The following USP38 variants were observed in gnomAD, a reference collection of about 807,000 sequenced individuals.
The protein encoded by USP38 is ubiquitin specific peptidase 38.
In USP38, 49 loss-of-function variants were observed where a neutral mutation model predicts 94.3. The observed-to-expected ratio is 0.52, with a 90% CI of 0.41 to 0.66. USP38 has a LOEUF of 0.66. Ranked by LOEUF, USP38 falls within the 30% of genes least tolerant of loss-of-function variation. The pLI, the probability that USP38 is intolerant of heterozygous loss-of-function variation, is 0.00. For synonymous variants in USP38, 468 were observed against 463.6 expected, an observed-to-expected ratio of 1.01 and a Z score of -0.12; for missense variants, 1,128 against 1,229.4, an observed-to-expected ratio of 0.92 and a Z score of 1.23.
At chr4:143,209,460 A>C in intron 6 of USP38, 104 bp from the exon 7 acceptor site, 1 of 641,900 alleles carries the variant, frequency 1.6e-6, no homozygotes, top group Non-Finnish European at 2.5e-6. Context: ...ACTGCCCTCC[A>C]GCCTGGGCAA....
At position 143,209,653 on chromosome 4, in the gene USP38, C is replaced by A. The variant is rs1035520851; in HGVS notation, c.1493C>A (p.Thr498Lys). The A allele has an allele frequency of 1.4e-5, 22 of 1,594,632 alleles. No individual in the cohort carries two copies. The highest frequency in any genetic ancestry group is 1.9e-5 in the Non-Finnish European group (22 of 1,164,150). Residue 498 changes from threonine (T) to lysine (K), a missense_variant, in exon 7 of 10, where the codon ACA (threonine) becomes AAA (lysine). By Grantham distance (78) the Thr-to-Lys change is moderately conservative (BLOSUM62 -1). Coordinates refer to ENST00000307017, the MANE Select transcript of USP38 (RefSeq NM_032557.6). ...CATCTTTTTGCCTTTCTGGCCCATA[C>A]ACAGGTGAGTGTGTATGTGTATATA... ...LQHLFAFLAH[T>K]QREAYAPRIF...
In USP38 at chr4:143,214,867, T is replaced by C. The variant is rs1418528726; in HGVS notation, c.2891T>C (p.Leu964Pro). ...GLSGNNPTSG[L>P]WINGDPPLQK... ...AGTGGTAATAACCCAACCAGTGGAC[T>C]CTGGATAAATGGAGACCCACCTCTA... is the stretch of plus-strand genomic sequence containing the variant. Residue 964 changes from leucine to proline, a missense_variant, in exon 9 of 10, where the codon CTC (leucine) becomes CCC (proline). Physicochemically the swap from Leu to Pro is moderately conservative, Grantham distance 98. Transcript: ENST00000307017. The C allele has an allele frequency of 1.9e-6, 3 of 1,613,488 alleles. No individual in the cohort carries two copies. The African/African-American group carries it at 4.0e-5, about 22-fold the overall frequency.
chr4:143,213,900 G>A lies in USP38; in HGVS notation c.1924G>A (p.Asp642Asn), dbSNP rs1272804535. Residue 642 changes from aspartate (D) to asparagine (N), a missense_variant, in exon 9 of 10, where the codon GAT (aspartate) becomes AAT (asparagine). Asp to Asn is a conservative substitution (Grantham distance 23). Transcript: ENST00000307017. ...QDPASSPSIQ[D>N]GGLMQASVPG... Reference sequence around the variant, plus strand: ...TCCAGCATCATCACCCAGTATACAAGATGGTGGTCTAATGCAAGCCTCTGT... The same window carrying A: ...TCCAGCATCATCACCCAGTATACAAAATGGTGGTCTAATGCAAGCCTCTGT... The A allele has an allele frequency of 6.2e-7, 1 of 1,613,720 alleles. No individual in the cohort carries two copies. Among genetic ancestry groups the A allele is most frequent in the African/African-American group, 1.3e-5 (1 of 74,890 alleles).
Position 143,195,720 on chromosome 4 carries a change from A to G in USP38, c.823A>G (p.Ile275Val), listed in dbSNP as rs1731525407. 3 of 1,581,006 alleles carry G rather than the reference A, an allele frequency of 1.9e-6. No individual in the cohort carries two copies. The East Asian group carries it at 6.8e-5, about 36-fold the overall frequency. The change falls in exon 3 of 10, where the codon ATT becomes GTT. Residue 275 changes from isoleucine (I) to valine (V), a missense_variant. Ile to Val is a conservative substitution (Grantham distance 29). Coordinates refer to ENST00000307017, the MANE Select transcript of USP38 (RefSeq NM_032557.6). The part of the protein sequence containing the change: ...ASMTQALCRM[I>V]DWLSWPLAQH... Reference sequence around the variant, plus strand: ...TTCATTTTCCTTCAATTTCAGAATGATTGACTGGCTATCCTGGCCATTGGC... The same window carrying G: ...TTCATTTTCCTTCAATTTCAGAATGGTTGACTGGCTATCCTGGCCATTGGC...
At position 143,185,315 on chromosome 4, in the gene USP38, C is replaced by T; in HGVS notation, c.-136C>T. The T allele has an allele frequency of 2.1e-6, 2 of 938,622 alleles. No individual in the cohort carries two copies. The highest frequency in any genetic ancestry group is 2.7e-5 in the East Asian group (1 of 37,526). 58.1% of individuals were successfully genotyped at this position (938,622 alleles called of 1,614,324 possible). On this transcript the variant is annotated 5_prime_UTR_variant, in exon 1 of 10. Coordinates refer to ENST00000307017, the MANE Select transcript of USP38 (RefSeq NM_032557.6). The stretch of plus-strand genomic sequence containing the variant: ...TGCGCCATAAATGTGGCTGCTGAGG[C>T]GGCGGTGGCCGTGGCCCGTCGCGCT...
At chr4:143,195,651 CTT>C in intron 2 of USP38, 63 bp from the exon 3 acceptor site, 1 of 1,490,950 alleles carries the variant, frequency 6.7e-7, no homozygotes. Flanking sequence ...TACTGTAACT[CTT>C]GTTATCACTA....
At chr4:143,206,415 TGTG>T (rs1297303839) in intron 6 of USP38, among the ~76,000 whole-genome samples, 189 bp downstream of exon 6, 6 of 152,116 alleles carry the variant, frequency 3.9e-5, no homozygotes. Context: ...TTAGGCTGGG[TGTG>T]GTGGCTCACG....
rs773557599 is a variant in USP38 at position 143,214,614 on chromosome 4, G to C, written c.2638G>C (p.Ala880Pro). ...ATATCAGATGTACCACCAGTCTGAGGCTCTGGCATTAGCATCCTCCCAGAG... is the reference window on the plus strand; with the variant it reads ...ATATCAGATGTACCACCAGTCTGAGCCTCTGGCATTAGCATCCTCCCAGAG... The part of the protein sequence containing the change: ...SSYQMYHQSE[A>P]LALASSQSHL... Residue 880 changes from alanine (A) to proline (P), a missense_variant, in exon 9 of 10, where the codon GCT becomes CCT. Ala to Pro is a conservative substitution (Grantham distance 27, BLOSUM62 -1). Coordinates refer to ENST00000307017, the MANE Select transcript of USP38 (RefSeq NM_032557.6). The C allele has an allele frequency of 1.2e-6, 2 of 1,613,600 alleles. No individual in the cohort carries two copies. Among genetic ancestry groups the C allele is most frequent in the Admixed American group, 1.7e-5 (1 of 59,916 alleles).
At chr4:143,211,962 T>C (rs912951780) in intron 7 of USP38, among the ~76,000 whole-genome samples, 3 of 152,114 alleles carry the variant, frequency 2.0e-5, no homozygotes, top group African/African-American at 7.2e-5. Context: ...TTTCAAAAAA[T>C]TGTGGACTCA....
At chr4:143,195,044 G>A (rs1431301899) in intron 2 of USP38, among the ~76,000 whole-genome samples, 2 of 151,660 alleles carry the variant, frequency 1.3e-5, no homozygotes, top group South Asian at 2.1e-4. Context: ...TTGTATAGTC[G>A]GATTTGAAAA....
At chr4:143,187,613 G>A (rs1468075745) in intron 1 of USP38, among the ~76,000 whole-genome samples, 1 of 152,110 alleles carries the variant, frequency 6.6e-6, no homozygotes, top group African/African-American at 2.4e-5. Flanking sequence ...TCTGTCTATA[G>A]TATGAGTGAT....
chr4:143,191,985 C>G (rs1454867062), intron 2 of USP38, among the ~76,000 whole-genome samples: 1 of 152,130 alleles, frequency 6.6e-6, no homozygotes, highest in Non-Finnish European at 1.5e-5. Flanking sequence ...CAAATTGAAA[C>G]GGAACTGAAA....
chr4:143,196,006 T>C (rs1184995175), intron 3 of USP38, among the ~76,000 whole-genome samples, 161 bp downstream of exon 3: 1 of 152,236 alleles, frequency 6.6e-6, no homozygotes, highest in African/African-American at 2.4e-5. Flanking sequence ...TTAAATGTCA[T>C]TTAAATATAA....
At chr4:143,191,822 A>G (rs965462884) in intron 2 of USP38, among the ~76,000 whole-genome samples, 3 of 152,252 alleles carry the variant, frequency 2.0e-5, no homozygotes, top group Non-Finnish European at 4.4e-5. Flanking sequence ...ATATTAAATC[A>G]GTATACCAGA....
At chr4:143,186,732 A>G (rs574176907) in intron 1 of USP38, among the ~76,000 whole-genome samples, 4 of 152,172 alleles carry the variant, frequency 2.6e-5, no homozygotes, top group Non-Finnish European at 2.9e-5. Flanking sequence ...GTGCCCATGA[A>G]CTGCATTCTC....
chr4:143,212,489 T>C lies in USP38; in HGVS notation c.1604+65T>C, dbSNP rs1732054330. ...TTCATAACAGTTTAATTCTACTTAATATTGCTTTTACCTTTAAAAACATAT... is the reference window on the plus strand; with the variant it reads ...TTCATAACAGTTTAATTCTACTTAACATTGCTTTTACCTTTAAAAACATAT... On this transcript the variant is annotated intron_variant, in intron 8 of 9. Coordinates refer to ENST00000307017, the MANE Select transcript of USP38 (RefSeq NM_032557.6). 3.8e-6 allele frequency: 4 copies of C among 1,040,060 alleles called. 1 individual carries two copies. The South Asian group carries it at 5.4e-5, about 14-fold the overall frequency. The allele number at this position is 1,040,060 out of a possible 1,614,324, so 64.4% of individuals were successfully genotyped here. A position where few individuals can be genotyped will look rare whatever the true frequency, so the allele number is the denominator to read the frequency against.
chr4:143,201,672 A>C (rs1731718213), intron 4 of USP38, among the ~76,000 whole-genome samples: 1 of 152,140 alleles, frequency 6.6e-6, no homozygotes, highest in Non-Finnish European at 1.5e-5. Flanking sequence ...TGCTTTTCTT[A>C]TGCATTTTAC....
chr4:143,218,509 CA>C (rs1172606069), intron 9 of USP38, among the ~76,000 whole-genome samples: 9 of 152,026 alleles, frequency 5.9e-5, no homozygotes, highest in African/African-American at 2.2e-4. Flanking sequence ...GAATACCACA[CA>C]TTTTTTTCTG....
intron 4 of USP38, among the ~76,000 whole-genome samples, chr4:143,200,118 T>G (rs985965024): frequency 2.0e-5 from 3 of 152,024 alleles, no homozygotes; most frequent in Non-Finnish European, 2.9e-5. Context: ...TTAAGTCTTA[T>G]CCTTGATGTA....
Sources: allele counts gnomAD v4.1 joint callset (sites outside exome capture counted in the v4.1 genomes callset), GRCh38; gene constraint gnomAD v4.1.1; transcripts MANE v1.5; gene names NCBI Gene and HGNC (gene_info 2026-07-23, HGNC 2026-07-21).